The following EPHB2 variants were observed in gnomAD, a reference collection of about 807,000 sequenced individuals.
EPHB2 encodes ephrin type-B receptor 2.
In EPHB2, 18 loss-of-function variants were observed where a neutral mutation model predicts 96.4. That is an observed-to-expected ratio of 0.19 (90% confidence interval 0.13 to 0.28). The LOEUF (loss-of-function observed/expected upper bound fraction) is 0.28. Ranked by LOEUF, EPHB2 falls within the 10% of genes least tolerant of loss-of-function variation. The pLI, the probability that EPHB2 is intolerant of heterozygous loss-of-function variation, is 1.00. For synonymous variants in EPHB2, 506 were observed against 534.1 expected, an observed-to-expected ratio of 0.95 and a Z score of 0.72; for missense variants, 989 against 1,355.4, an observed-to-expected ratio of 0.73 and a Z score of 4.25.
chr1:22,777,898 C>T (rs1644475265), intron 1 of EPHB2, among the ~76,000 whole-genome samples: 1 of 152,208 alleles, frequency 6.6e-6, no homozygotes, highest in South Asian at 2.1e-4. Context: ...TGAGGATCTA[C>T]TTTGTGCTGG....
chr1:22,754,794 A>T, intron 1 of EPHB2, among the ~76,000 whole-genome samples: 1 of 2,150 alleles, frequency 4.7e-4, no homozygotes, highest in Non-Finnish European at 8.8e-4. Flanking sequence ...AGAGAGGTCG[A>T]CAGGGGAGGT....
chr1:22,871,334 G>T (rs765527137), intron 5 of EPHB2, among the ~76,000 whole-genome samples: 1 of 152,130 alleles, frequency 6.6e-6, no homozygotes, highest in African/African-American at 2.4e-5. Flanking sequence ...CCCAGCCTTT[G>T]AGGCCCCCTG....
At chr1:22,880,170 G>A (rs954240491) in intron 5 of EPHB2, among the ~76,000 whole-genome samples, 3 of 152,160 alleles carry the variant, frequency 2.0e-5, no homozygotes, top group African/African-American at 7.2e-5. Flanking sequence ...AGGGGAGGCA[G>A]ATCGCCTAGG....
At chr1:22,721,570 T>A (rs10917282) in intron 1 of EPHB2, among the ~76,000 whole-genome samples, 36,102 of 152,118 alleles carry the variant, frequency 0.24, 5,235 homozygotes, top group South Asian at 0.5. Context: ...CACACAGGAA[T>A]CTGTGTCCGG....
chr1:22,868,308 G>A (rs978095692), intron 5 of EPHB2, among the ~76,000 whole-genome samples: 5 of 152,148 alleles, frequency 3.3e-5, no homozygotes, highest in African/African-American at 7.2e-5. Context: ...ACAAGCACTG[G>A]ATTAGGAGCA....
intron 1 of EPHB2, among the ~76,000 whole-genome samples, chr1:22,768,691 A>G (rs1258539922): frequency 1.3e-5 from 2 of 148,282 alleles, no homozygotes; most frequent in African/African-American, 4.9e-5. Flanking sequence ...TCCTGTCTCC[A>G]TTAAAAAAAA....
Position 22,894,074 on chromosome 1 carries a change from T to A in EPHB2, c.1591+1028T>A, listed in dbSNP as rs1639475042. On this transcript the variant is annotated intron_variant, in intron 7 of 15. Transcript: ENST00000374630. Reference sequence around the variant, plus strand: ...TCTACCATCTCTTCCAGCACTCACCTCCTCTGTAATCTTTCTGTTCCTCGT... The same window carrying A: ...TCTACCATCTCTTCCAGCACTCACCACCTCTGTAATCTTTCTGTTCCTCGT... 2.0e-5 allele frequency among the ~76,000 whole-genome samples: 3 copies of A among 152,192 alleles called. 1 individual carries two copies. The South Asian group carries it at 6.2e-4, about 32-fold the overall frequency.
chr1:22,714,863 G>A (rs868200324), intron 1 of EPHB2, among the ~76,000 whole-genome samples: 11 of 152,318 alleles, frequency 7.2e-5, no homozygotes, highest in Middle Eastern at 6.8e-3. Flanking sequence ...CACCTCCCCA[G>A]AGGCCTTCCC....
In EPHB2 at chr1:22,920,473, C is replaced by T. The variant is rs1024498430; in HGVS notation, c.*6903C>T. 2 of 153,024 alleles carry T rather than the reference C, an allele frequency of 1.3e-5. No individual in the cohort carries two copies. Among genetic ancestry groups the T allele is most frequent in the African/African-American group, 4.8e-5 (2 of 41,490 alleles). The allele number at this position is 153,024 out of a possible 1,614,324, so 9.5% of individuals were successfully genotyped here. On this transcript the variant is annotated 3_prime_UTR_variant, in exon 16 of 16. Coordinates refer to ENST00000374630, the MANE Select transcript of EPHB2 (RefSeq NM_017449.5). ...CAAACTCCAGAGCCAGGTGCCTTCC[C>T]TCTGACATTTGGGACATAGCTTCCA... is the stretch of plus-strand genomic sequence containing the variant.
chr1:22,768,901 A>G (rs943194578), intron 1 of EPHB2, among the ~76,000 whole-genome samples: 2 of 151,596 alleles, frequency 1.3e-5, no homozygotes, highest in African/African-American at 2.4e-5. Context: ...CTCCTACTCA[A>G]TTTGGGGTTC....
intron 6 of EPHB2, among the ~76,000 whole-genome samples, chr1:22,884,726 C>T (rs1224035827): frequency 1.3e-5 from 2 of 151,780 alleles, no homozygotes; most frequent in African/African-American, 4.8e-5. Flanking sequence ...TCCCTACATT[C>T]TCCACCTGGC....
rs1220705789 is a variant in EPHB2 at position 22,920,149 on chromosome 1, A to C, written c.*6579A>C. On this transcript the variant is annotated 3_prime_UTR_variant, in exon 16 of 16. Coordinates refer to ENST00000374630, the MANE Select transcript of EPHB2 (RefSeq NM_017449.5). Reference sequence around the variant, plus strand: ...ACGTCTTTCCCTGGTAGAGTGGCAGAATTGCATGCATCAGGCCTTCCTGGG... The same window carrying C: ...ACGTCTTTCCCTGGTAGAGTGGCAGCATTGCATGCATCAGGCCTTCCTGGG... 1 of 152,294 alleles carries C rather than the reference A, an allele frequency of 6.6e-6. No homozygotes were observed. The highest frequency in any genetic ancestry group is 1.5e-5 in the Non-Finnish European group (1 of 68,090). The allele number at this position is 152,294 out of a possible 1,614,324, so 9.4% of individuals were successfully genotyped here. A position where few individuals can be genotyped will look rare whatever the true frequency, so the allele number is the denominator to read the frequency against.
chr1:22,778,807 G>A (rs538502585), intron 1 of EPHB2, among the ~76,000 whole-genome samples: 2 of 152,340 alleles, frequency 1.3e-5, no homozygotes, highest in African/African-American at 4.8e-5. Flanking sequence ...GGAGCCCAGA[G>A]TATGAGCACC....
intron 3 of EPHB2, among the ~76,000 whole-genome samples, chr1:22,848,653 G>A (rs1440195785): frequency 6.6e-6 from 1 of 152,206 alleles, no homozygotes; most frequent in African/African-American, 2.4e-5. Flanking sequence ...CAGGAGGAAG[G>A]TGACGGGTTC....
At chr1:22,714,708 T>A in intron 1 of EPHB2, among the ~76,000 whole-genome samples, 1 of 152,162 alleles carries the variant, frequency 6.6e-6, no homozygotes, top group East Asian at 1.9e-4. Context: ...GTGGTGACGT[T>A]CAGATGAGCC....
intron 3 of EPHB2, among the ~76,000 whole-genome samples, chr1:22,806,467 A>G (rs1030757279): frequency 3.4e-5 from 5 of 147,164 alleles, no homozygotes; most frequent in South Asian, 2.2e-4. Flanking sequence ...CAATGAGTGG[A>G]TGGATGGATG....
At chr1:22,805,620 A>G (rs1644914091) in intron 3 of EPHB2, among the ~76,000 whole-genome samples, 1 of 152,020 alleles carries the variant, frequency 6.6e-6, no homozygotes, top group Non-Finnish European at 1.5e-5. Flanking sequence ...CCTCCCACCC[A>G]TCCTGGACCC....
chr1:22,780,911 G>A (rs1343564780), intron 1 of EPHB2, among the ~76,000 whole-genome samples: 3 of 152,050 alleles, frequency 2.0e-5, no homozygotes, highest in African/African-American at 4.8e-5. Flanking sequence ...GGGGGTAGGC[G>A]GGATAATGGA....
Position 22,846,273 on chromosome 1 carries a change from G to A in EPHB2, c.812-16764G>A, listed in dbSNP as rs544379855. Among the ~76,000 whole-genome samples, 22 of 152,010 alleles carry A rather than the reference G, an allele frequency of 1.4e-4. No individual in the cohort carries two copies. Among genetic ancestry groups the A allele is most frequent in the South Asian group, 4.2e-4 (2 of 4,796 alleles). On this transcript the variant is annotated intron_variant, in intron 3 of 15. Transcript: ENST00000374630. The surrounding 1 kb of genome is among the most constrained non-coding windows in gnomAD (Gnocchi z 4.3). The stretch of plus-strand genomic sequence containing the variant: ...TCTCGACTAAAAATATAAAATAGTC[G>A]GGCATAGTGACGTGCGCCTGTAATC...
Sources: allele counts gnomAD v4.1 joint callset (sites outside exome capture counted in the v4.1 genomes callset), GRCh38; gene constraint gnomAD v4.1.1; non-coding constraint Gnocchi (gnomAD v3.1); transcripts MANE v1.5; gene names NCBI Gene and HGNC (gene_info 2026-07-23, HGNC 2026-07-21).